The following TGFBRAP1 variants were observed in gnomAD, a reference collection of about 807,000 sequenced individuals.
TGFBRAP1 encodes transforming growth factor-beta receptor-associated protein 1.
A neutral mutation model predicts 83.2 loss-of-function variants in TGFBRAP1; 20 were observed. The observed-to-expected ratio is 0.24, with a 90% confidence interval of 0.17 to 0.35. The LOEUF (loss-of-function observed/expected upper bound fraction) is 0.35, where lower values mean the gene tolerates loss of function less well. TGFBRAP1 is among the 10% of genes least tolerant of loss of function. The probability of loss-of-function intolerance (pLI) is 1.00; values close to 1 mark genes in which losing one functional copy is unlikely to be tolerated. For synonymous variants in TGFBRAP1, 415 were observed against 459.8 expected (o/e 0.90, Z 1.25); for missense variants, 950 against 1,099.4 (o/e 0.86, Z 1.92).
At chr2:105,250,592 TCTCCCTCCTCTCCCTCTCC>T in the TGFBRAP1 span, among the ~76,000 whole-genome samples, 7 of 131,004 alleles carry the variant, frequency 5.3e-5, no homozygotes, top group South Asian at 2.8e-4. Flanking sequence ...CTCCTCTCCC[TCTCCCTCCTCTCCCTCTCC>T]CTCCTCTCCC....
chr2:105,313,422 G>T (rs537594192), intron 1 of TGFBRAP1, among the ~76,000 whole-genome samples: 1 of 152,326 alleles, frequency 6.6e-6, no homozygotes, highest in East Asian at 1.9e-4. Flanking sequence ...AATAGACACT[G>T]TCTATCCTAC....
At chr2:105,251,325 C>T in the TGFBRAP1 span, among the ~76,000 whole-genome samples, 44 of 146,266 alleles carry the variant, frequency 3.0e-4, no homozygotes, top group Admixed American at 1.4e-3. Flanking sequence ...AAGTGAGGAG[C>T]GTCTCTGCCC....
rs764527678 is a variant in TGFBRAP1, at chr2:105,316,462, TGC to T, written c.-17-8146_-17-8145del. On this transcript the variant is annotated intron_variant, in intron 1 of 11. Coordinates refer to ENST00000393359, the MANE Select transcript of TGFBRAP1 (RefSeq NM_004257.6). ...GTGTGTGTGTGTGTGTGTGTGTGTG[TGC>T]GCGCGCGCGCGCGCGCACGCGCACA... is the stretch of plus-strand genomic sequence containing the variant. Among the ~76,000 whole-genome samples, 839 of 84,728 alleles carry T rather than the reference TGC, an allele frequency of 9.9e-3. 4 individuals are homozygous for T. Among genetic ancestry groups the T allele is most frequent in the Non-Finnish European group, 0.012 (525 of 43,252 alleles). The allele number at this position is 84,728 out of a possible 152,430, so 55.6% of individuals were successfully genotyped here.
intron 1 of TGFBRAP1, among the ~76,000 whole-genome samples, chr2:105,329,103 A>C (rs988675934): frequency 2.6e-5 from 4 of 152,086 alleles, no homozygotes; most frequent in Admixed American, 6.5e-5. Flanking sequence ...GATCAGGACA[A>C]TTCAGGCCTG....
intron 4 of TGFBRAP1, among the ~76,000 whole-genome samples, chr2:105,294,523 G>A (rs563656935): frequency 1.1e-4 from 17 of 152,274 alleles, no homozygotes; most frequent in East Asian, 3.9e-4. Flanking sequence ...TGTTAAAAAC[G>A]TGGGCAAAAG....
At chr2:105,296,292 T>C (rs1678086539) in intron 4 of TGFBRAP1, 64 bp downstream of exon 4, 3 of 1,597,828 alleles carry the variant, frequency 1.9e-6, no homozygotes, top group Non-Finnish European at 2.6e-6. Flanking sequence ...GCATGTTAGT[T>C]AAATCTGAAT....
chr2:105,293,441 A>T (rs920304249), intron 4 of TGFBRAP1, among the ~76,000 whole-genome samples: 3 of 152,188 alleles, frequency 2.0e-5, no homozygotes, highest in African/African-American at 7.2e-5. Context: ...TTCTTGACAA[A>T]CCCCTTGCTA....
rs1438109250 is a variant in TGFBRAP1 at position 105,266,222 on chromosome 2, A to G, written c.*1161T>C. 3.3e-5 allele frequency: 5 copies of G among 152,222 alleles called. No individual in the cohort carries two copies. Among genetic ancestry groups the G allele is most frequent in the Non-Finnish European group, 5.9e-5 (4 of 68,052 alleles). 9.4% of individuals were successfully genotyped at this position (152,222 alleles called of 1,614,324 possible). A position where few individuals can be genotyped will look rare whatever the true frequency, so the allele number is the denominator to read the frequency against. ...GGCACATAAAGTGCTGGAGGGTGAC[A>G]CAGCCTGTCTGGATGTCCTCGGGAG... On this transcript the variant is annotated 3_prime_UTR_variant, in exon 12 of 12. Coordinates refer to ENST00000393359, the MANE Select transcript of TGFBRAP1 (RefSeq NM_004257.6).
At position 105,277,886 on chromosome 2, in the gene TGFBRAP1, G is replaced by A. The variant is rs1348975763; in HGVS notation, c.1464-215C>T. Among the ~76,000 whole-genome samples, 8 of 152,216 alleles carry A rather than the reference G, an allele frequency of 5.3e-5. No homozygotes were observed. In the South Asian group the frequency reaches 1.7e-3, roughly 32 times the overall value. On this transcript the variant is annotated intron_variant, in intron 6 of 11. Transcript: ENST00000393359. ...CTGGGCAACAACATAGTGAGATCTT[G>A]TCTTTATTAAAATATTTTTAAAAAT...
chr2:105,280,460 T>C lies in TGFBRAP1; in HGVS notation c.1385A>G (p.Asp462Gly). 6.2e-7 allele frequency: 1 copy of C among 1,614,186 alleles called. No individual in the cohort carries two copies. Residue 462 changes from aspartate (D) to glycine (G), a missense_variant, in exon 6 of 12, where the codon GAC becomes GGC. Asp to Gly is a moderately conservative substitution (Grantham distance 94). Coordinates refer to ENST00000393359, the MANE Select transcript of TGFBRAP1 (RefSeq NM_004257.6). ...AGTGACCAGGAGGTCCAGCAGGCTGTCGTGGTCAGCCTCTGCATACAGTTT... is the reference window on the plus strand; with the variant it reads ...AGTGACCAGGAGGTCCAGCAGGCTGCCGTGGTCAGCCTCTGCATACAGTTT... Reference protein sequence around the residue: ...LLKLYAEADHDSLLDLLVTEN... With the variant: ...LLKLYAEADHGSLLDLLVTEN...
intron 4 of TGFBRAP1, among the ~76,000 whole-genome samples, chr2:105,287,944 G>C (rs1269884509): frequency 1.3e-5 from 2 of 152,056 alleles, no homozygotes; most frequent in African/African-American, 4.8e-5. Context: ...ACCTTCACGT[G>C]ACAAAAGCCA....
the TGFBRAP1 span, among the ~76,000 whole-genome samples, chr2:105,258,721 C>T: frequency 9.7e-5 from 13 of 134,436 alleles, no homozygotes; most frequent in African/African-American, 3.6e-4. Context: ...CCCTTTCTCT[C>T]CCCACCCCTA....
rs1676950180 is a variant in TGFBRAP1 at position 105,266,778 on chromosome 2, A to G, written c.*605T>C. 1 of 152,430 alleles carries G rather than the reference A, an allele frequency of 6.6e-6. No homozygotes were observed. The highest frequency in any genetic ancestry group is 2.4e-5 in the African/African-American group (1 of 41,460). 9.4% of individuals were successfully genotyped at this position (152,430 alleles called of 1,614,324 possible). On this transcript the variant is annotated 3_prime_UTR_variant, in exon 12 of 12. Coordinates refer to ENST00000393359, the MANE Select transcript of TGFBRAP1 (RefSeq NM_004257.6). Reference sequence around the variant, plus strand: ...GAGAGCCGGAGAGGAAGAAAGAAGGAACAAAGGTACTTCTCCAGGGTCAGC... The same window carrying G: ...GAGAGCCGGAGAGGAAGAAAGAAGGGACAAAGGTACTTCTCCAGGGTCAGC...
intron 5 of TGFBRAP1, among the ~76,000 whole-genome samples, chr2:105,283,561 G>A (rs1375451228): frequency 6.6e-6 from 1 of 152,212 alleles, no homozygotes; most frequent in Non-Finnish European, 1.5e-5. Context: ...CAGTGCCTGA[G>A]TACGATATTT....
At chr2:105,259,596 G>C (rs1676742706), downstream of TGFBRAP1, among the ~76,000 whole-genome samples, 1 of 152,190 alleles carries the variant, frequency 6.6e-6, no homozygotes, top group African/African-American at 2.4e-5. Flanking sequence ...TTTATATGAA[G>C]AGGGGTTGGG....
chr2:105,255,710 T>G, the TGFBRAP1 span, among the ~76,000 whole-genome samples: 2 of 152,158 alleles, frequency 1.3e-5, no homozygotes, highest in African/African-American at 4.8e-5. Context: ...GCCATCCACC[T>G]GTGCCAATCA....
At chr2:105,287,164 A>C (rs974278167) in intron 4 of TGFBRAP1, among the ~76,000 whole-genome samples, 25 of 151,690 alleles carry the variant, frequency 1.6e-4, no homozygotes, top group Non-Finnish European at 3.1e-4. Context: ...TAGAGACAGA[A>C]AGCAGAATGG....
chr2:105,318,420 G>A (rs1187836004), intron 1 of TGFBRAP1, among the ~76,000 whole-genome samples: 1 of 152,034 alleles, frequency 6.6e-6, no homozygotes, highest in Non-Finnish European at 1.5e-5. Context: ...ATCTTATACA[G>A]ATTACAAATA....
intron 2 of TGFBRAP1, 115 bp downstream of exon 2, chr2:105,307,499 A>C (rs985371677): frequency 1.3e-5 from 15 of 1,127,748 alleles, no homozygotes; most frequent in Non-Finnish European, 1.9e-5. Context: ...CTTGCCACAC[A>C]CGCCCAATGT....
Sources: allele counts gnomAD v4.1 joint callset (sites outside exome capture counted in the v4.1 genomes callset), GRCh38; gene constraint gnomAD v4.1.1; transcripts MANE v1.5; gene names NCBI Gene and HGNC (gene_info 2026-07-23, HGNC 2026-07-21).